The following ZNF831 variants were observed in gnomAD, a reference collection of about 807,000 sequenced individuals.
The protein encoded by ZNF831 is zinc finger protein 831.
Under a neutral mutation model 95.8 loss-of-function variants are expected in ZNF831, and 59 were observed. That is an observed-to-expected ratio of 0.62 (90% CI 0.50 to 0.77). ZNF831 has a LOEUF of 0.77. Among genes scored for constraint, ZNF831 ranks in the 30% least tolerant of loss-of-function variants. ZNF831 has a pLI of 0.00. For missense variants in ZNF831, 2,205 were observed against 2,164.0 expected, an observed-to-expected ratio of 1.02 and a Z score of -0.38; for synonymous variants, 961 against 925.5, an observed-to-expected ratio of 1.04 and a Z score of -0.70.
At chr20:59,198,380 T>A (rs573103009) in intron 3 of ZNF831, among the ~76,000 whole-genome samples, 2 of 152,370 alleles carry the variant, frequency 1.3e-5, no homozygotes, top group Admixed American at 1.3e-4. Flanking sequence ...CCTGCCTCCT[T>A]ACATGGCAAC....
chr20:59,126,267 T>A (rs1979168496), intron 1 of ZNF831, among the ~76,000 whole-genome samples: 1 of 152,190 alleles, frequency 6.6e-6, no homozygotes, highest in Admixed American at 6.5e-5. Context: ...AAGGTGTTTA[T>A]AACTTGCTGT....
At chr20:59,238,086 C>G (rs557191275) in intron 4 of ZNF831, among the ~76,000 whole-genome samples, 1 of 152,316 alleles carries the variant, frequency 6.6e-6, no homozygotes, top group Non-Finnish European at 1.5e-5. Flanking sequence ...TCTGCCAACC[C>G]TTCCCTAAGG....
At position 59,194,484 on chromosome 20, in the gene ZNF831, C is replaced by G. The variant is rs2146600283; in HGVS notation, c.3465C>G (p.His1155Gln). 2 of 1,612,700 alleles carry G rather than the reference C, an allele frequency of 1.2e-6. No individual in the cohort carries two copies. Among genetic ancestry groups the G allele is most frequent in the Non-Finnish European group, 1.7e-6 (2 of 1,179,528 alleles). ...PGWPELALSS[H>Q]SGTSRSHSTR... ...GGCCAGAGCTGGCCTTGTCTTCCCA[C>G]TCAGGGACGTCCCGGAGCCACAGCA... Residue 1155 changes from histidine to glutamine, a missense_variant, in exon 2 of 6, where the codon CAC (histidine) becomes CAG (glutamine). Physicochemically the swap from His to Gln is conservative, Grantham distance 24 (BLOSUM62 0). Coordinates refer to ENST00000371030, the MANE Select transcript of ZNF831 (RefSeq NM_178457.3).
chr20:59,194,235 C>T lies in ZNF831; in HGVS notation c.3216C>T (p.Ser1072=), dbSNP rs542582073. Residue 1072 remains serine, a synonymous_variant, in exon 2 of 6, where the codon AGC becomes AGT. Coordinates refer to ENST00000371030, the MANE Select transcript of ZNF831 (RefSeq NM_178457.3). ...TAGTTCAGGACATGGAGGGTGACAG[C>T]CACCGTATCCATCGCCTCTGCATGG... ...AHLVQDMEGD[S]HRIHRLCMGS... 2 of 1,613,774 alleles carry T rather than the reference C, an allele frequency of 1.2e-6. No individual in the cohort carries two copies. The highest frequency in any genetic ancestry group is 2.2e-5 in the East Asian group (1 of 44,890).
In ZNF831 at chr20:59,237,583, G is replaced by A. The variant is rs139433374; in HGVS notation, c.4028-15395G>A. ...GCTGGTCTCGAGCTCTTGACCTCAG[G>A]TGATGCATCCCAGGTGTTGGGATTA... On this transcript the variant is annotated intron_variant, in intron 4 of 5. Transcript: ENST00000371030. Among the ~76,000 whole-genome samples the A allele has an allele frequency of 2.1e-3, 318 of 152,280 alleles. 4 individuals are homozygous for A. Among genetic ancestry groups the A allele is most frequent in the African/African-American group, 5.2e-3 (217 of 41,538 alleles).
intron 4 of ZNF831, among the ~76,000 whole-genome samples, chr20:59,234,215 T>A (rs187713657): frequency 2.0e-5 from 3 of 152,346 alleles, no homozygotes; most frequent in Non-Finnish European, 4.4e-5. Context: ...GCAGAGTTGT[T>A]GGATTGGTTG....
In ZNF831 at chr20:59,127,456, C is replaced by T. The variant is rs545918952; in HGVS notation, c.-1425+3951C>T. Among the ~76,000 whole-genome samples, 22 of 152,286 alleles carry T rather than the reference C, an allele frequency of 1.4e-4. No homozygotes were observed. The South Asian group carries it at 4.1e-3, about 29-fold the overall frequency. On this transcript the variant is annotated intron_variant, in intron 1 of 7. Coordinates refer to the ZNF831 transcript ENST00000637017. ...AAGTCCCACGTCCTTCCCGTGGCCT[C>T]GAGGGCCTGCACCTTCCTGTTCCCA... is the stretch of plus-strand genomic sequence containing the variant.
Position 59,191,166 on chromosome 20 carries a change from C to T in ZNF831, c.147C>T (p.Ala49=), listed in dbSNP as rs61742487. Residue 49 remains alanine (A), a synonymous_variant, in exon 2 of 6, where the codon GCC becomes GCT. Transcript: ENST00000371030. ...TTCTGCCGCCAGAGCAGGGCCTGGC[C>T]CCCCCCACTGTGTTCCTGAAGGCCC... ...PVLLPPEQGL[A]PPTVFLKALP... is the part of the protein sequence containing the mutation. The T allele has an allele frequency of 6.2e-6, 10 of 1,602,264 alleles. No individual in the cohort carries two copies. In the South Asian group the frequency reaches 6.6e-5, roughly 11 times the overall value.
In ZNF831 at chr20:59,193,458, A is replaced by C. The variant is rs200004374; in HGVS notation, c.2439A>C (p.Ser813=). ...TCCTGAGATGGCCCAGCAGGGGCTCAGGGGAGGACAAGCTCCCCTCAGAGA... is the reference window on the plus strand; with the variant it reads ...TCCTGAGATGGCCCAGCAGGGGCTCCGGGGAGGACAAGCTCCCCTCAGAGA... The part of the protein sequence containing the change: ...QTVLRWPSRG[S]GEDKLPSERK... The change falls in exon 2 of 6, where the codon TCA becomes TCC. Residue 813 remains serine, a synonymous_variant. Transcript: ENST00000371030. 1 of 1,607,726 alleles carries C rather than the reference A, an allele frequency of 6.2e-7. No homozygotes were observed. The highest frequency in any genetic ancestry group is 1.3e-5 in the African/African-American group (1 of 74,932).
intron 1 of ZNF831, among the ~76,000 whole-genome samples, chr20:59,178,171 C>A (rs1314390968): frequency 6.6e-6 from 1 of 152,192 alleles, no homozygotes; most frequent in African/African-American, 2.4e-5. Flanking sequence ...GCTTCAAGCC[C>A]CCTCCTTTCA....
chr20:59,144,304 C>G (rs1979769824), intron 1 of ZNF831, among the ~76,000 whole-genome samples: 1 of 152,090 alleles, frequency 6.6e-6, no homozygotes, highest in African/African-American at 2.4e-5. Flanking sequence ...GGTGTCGTCT[C>G]AGTTGAGCCC....
rs1601293432 is a variant in ZNF831, at chr20:59,143,869, G to A, written c.-1424-2362G>A. 3.3e-5 allele frequency among the ~76,000 whole-genome samples: 5 copies of A among 152,202 alleles called. No individual in the cohort carries two copies. In the South Asian group the frequency reaches 8.3e-4, roughly 25 times the overall value. ...ACACATTACTGTTGTCAGCATGACCGTTAGCCTCCTTCAGAGTGAAGGTCA... is the reference window on the plus strand; with the variant it reads ...ACACATTACTGTTGTCAGCATGACCATTAGCCTCCTTCAGAGTGAAGGTCA... On this transcript the variant is annotated intron_variant, in intron 1 of 7. Coordinates refer to the ZNF831 transcript ENST00000637017.
intron 4 of ZNF831, among the ~76,000 whole-genome samples, chr20:59,246,862 A>G (rs1021099600): frequency 6.6e-6 from 1 of 151,834 alleles, no homozygotes; most frequent in Non-Finnish European, 1.5e-5. Flanking sequence ...CTCTCCCCCA[A>G]CCCTCCCTGC....
intron 4 of ZNF831, among the ~76,000 whole-genome samples, chr20:59,216,035 G>A (rs979217055): frequency 6.6e-6 from 1 of 152,156 alleles, no homozygotes; most frequent in African/African-American, 2.4e-5. Context: ...TTAATCAGAA[G>A]ATTAAAAGAG....
chr20:59,235,594 T>C (rs929382778), intron 4 of ZNF831, among the ~76,000 whole-genome samples: 6 of 152,166 alleles, frequency 3.9e-5, no homozygotes, highest in Non-Finnish European at 5.9e-5. Flanking sequence ...TTTATTTTCA[T>C]TGAAAATATT....
intron 1 of ZNF831, among the ~76,000 whole-genome samples, chr20:59,136,678 G>A (rs1601291151): frequency 6.6e-6 from 1 of 152,264 alleles, no homozygotes; most frequent in South Asian, 2.1e-4. Context: ...AGGATAAAAT[G>A]TTGGAATTTG....
chr20:59,140,455 C>T (rs1484420475), intron 1 of ZNF831, among the ~76,000 whole-genome samples: 1 of 152,048 alleles, frequency 6.6e-6, no homozygotes, highest in Non-Finnish European at 1.5e-5. Flanking sequence ...TAGGCACCAT[C>T]ACAATTTTTT....
At chr20:59,179,148 G>A (rs1982407345) in intron 1 of ZNF831, among the ~76,000 whole-genome samples, 1 of 152,180 alleles carries the variant, frequency 6.6e-6, no homozygotes, top group Non-Finnish European at 1.5e-5. Flanking sequence ...AGTGGCTCAG[G>A]ACAGTGCAGC....
At chr20:59,125,152 A>G (rs1331143145) in intron 1 of ZNF831, among the ~76,000 whole-genome samples, 2 of 152,234 alleles carry the variant, frequency 1.3e-5, no homozygotes, top group East Asian at 3.8e-4. Context: ...TGAATGTGAC[A>G]GCCTGGGGAC....
Sources: allele counts gnomAD v4.1 joint callset (sites outside exome capture counted in the v4.1 genomes callset), GRCh38; gene constraint gnomAD v4.1.1; transcripts MANE v1.5; gene names NCBI Gene and HGNC (gene_info 2026-07-23, HGNC 2026-07-21).